DACH2: variants seen among roughly 807,000 people sequenced by gnomAD.
The protein encoded by DACH2 is dachshund family transcription factor 2.
In DACH2, 17 loss-of-function variants were observed where a neutral mutation model predicts 35.8. The ratio of observed to expected loss-of-function variants is 0.48; its 90% CI spans 0.33 to 0.71. The LOEUF (loss-of-function observed/expected upper bound fraction) is 0.71. Ranked by LOEUF, DACH2 falls within the 30% of genes least tolerant of loss-of-function variation. The pLI is 0.02. For synonymous variants in DACH2, 195 were observed against 177.3 expected (o/e 1.10, Z -0.79); for missense variants, 469 against 472.7 (o/e 0.99, Z 0.07).
intron 2 of DACH2, among the ~76,000 whole-genome samples, chrX:86,440,309 T>C (rs1394550997): frequency 9.0e-6 from 1 of 111,177 alleles, no homozygotes; most frequent in African/African-American, 3.3e-5. Context: ...TGGCATATAC[T>C]TTAAGGTTGT....
At chrX:86,647,180 A>G (rs964924486) in intron 3 of DACH2, among the ~76,000 whole-genome samples, 1 of 110,501 alleles carries the variant, frequency 9.0e-6, no homozygotes, top group African/African-American at 3.3e-5. Context: ...TTCTGAATAT[A>G]TATGAGGTAA....
At chrX:86,717,394 G>T (rs2041349681) in intron 6 of DACH2, among the ~76,000 whole-genome samples, 1 of 110,654 alleles carries the variant, frequency 9.0e-6, no homozygotes, top group Admixed American at 9.7e-5. Flanking sequence ...CCATATTGCT[G>T]CAAAAGACAG....
intron 6 of DACH2, among the ~76,000 whole-genome samples, chrX:86,737,928 G>A (rs773908151): frequency 2.7e-5 from 3 of 110,667 alleles, no homozygotes; most frequent in Non-Finnish European, 5.7e-5. Context: ...ACCCCCTCTA[G>A]AAGTGCCCAA....
chrX:86,272,067 T>G (rs1481993338), intron 1 of DACH2, among the ~76,000 whole-genome samples: 1 of 111,620 alleles, frequency 9.0e-6, no homozygotes, highest in Non-Finnish European at 1.9e-5. Context: ...CTCTCACTTA[T>G]GTGAGAACAT....
At chrX:86,713,913 C>T (rs773316515) in intron 5 of DACH2, among the ~76,000 whole-genome samples, 3 of 111,801 alleles carry the variant, frequency 2.7e-5, no homozygotes, top group Non-Finnish European at 5.7e-5. Flanking sequence ...AATGACCTAA[C>T]AATATTTGTT....
rs151082321 is a variant in DACH2, at chrX:86,417,521, C to T, written c.527+40659C>T. ...AGCAGGCAAGAGAGAGAACTTGTGC[C>T]GGGAAACTCCTGTTTCTGTTTTTAA... On this transcript the variant is annotated intron_variant, in intron 2 of 11. Transcript: ENST00000373125. 1.1e-3 allele frequency among the ~76,000 whole-genome samples: 123 copies of T among 111,084 alleles called. 2 individuals carry two copies. The East Asian group carries it at 0.034, about 31-fold the overall frequency.
chrX:86,159,680 T>C (rs989997004), intron 1 of DACH2, among the ~76,000 whole-genome samples: 2 of 112,053 alleles, frequency 1.8e-5, no homozygotes, highest in African/African-American at 3.2e-5. Flanking sequence ...GAAGTGGTGA[T>C]ACTAAGAACT....
At chrX:86,241,760 G>A (rs192172290) in intron 1 of DACH2, among the ~76,000 whole-genome samples, 42 of 112,433 alleles carry the variant, frequency 3.7e-4, no homozygotes, top group African/African-American at 1.3e-3. Flanking sequence ...GCCAGGTCCA[G>A]GGCTCAGCTA....
At chrX:86,605,187 G>C (rs2039841126) in intron 3 of DACH2, among the ~76,000 whole-genome samples, 1 of 111,181 alleles carries the variant, frequency 9.0e-6, no homozygotes, top group Non-Finnish European at 1.9e-5. Flanking sequence ...TCAAATTATT[G>C]GACTTTCATT....
chrX:86,800,042 G>A (rs2042276853), intron 7 of DACH2, among the ~76,000 whole-genome samples: 2 of 112,052 alleles, frequency 1.8e-5, no homozygotes, highest in South Asian at 7.4e-4. Context: ...ATAAGAAGAA[G>A]GCAGACTCAT....
At chrX:86,645,704 G>A (rs60036479) in intron 3 of DACH2, among the ~76,000 whole-genome samples, 13,906 of 110,720 alleles carry the variant, frequency 0.13, 750 homozygotes, top group East Asian at 0.33. Flanking sequence ...TATACCCTAC[G>A]GAATATTATG....
At chrX:86,434,497 TCA>T (rs1481714085) in intron 2 of DACH2, among the ~76,000 whole-genome samples, 1 of 112,156 alleles carries the variant, frequency 8.9e-6, no homozygotes, top group Non-Finnish European at 1.9e-5. Context: ...CATGGTATAT[TCA>T]CTTATTTTTT....
intron 4 of DACH2, among the ~76,000 whole-genome samples, chrX:86,663,173 G>A (rs1169564644): frequency 9.0e-6 from 1 of 111,504 alleles, no homozygotes; most frequent in Non-Finnish European, 1.9e-5. Context: ...TAGAAACAAT[G>A]TAGGCACTCA....
chrX:86,654,215 C>T (rs372791774), intron 4 of DACH2, among the ~76,000 whole-genome samples: 1,112 of 52,073 alleles, frequency 0.021, 20 homozygotes, highest in African/African-American at 0.065. Context: ...AAAAAAAAAA[C>T]GCAATTAAAG....
At chrX:86,728,683 C>T (rs1291767) in intron 6 of DACH2, among the ~76,000 whole-genome samples, 1,419 of 112,602 alleles carry the variant, frequency 0.013, 24 homozygotes, top group African/African-American at 0.042. Flanking sequence ...TGCATCTCAG[C>T]TGCTTTAGCT....
At chrX:86,552,716 A>G (rs1030821159) in intron 3 of DACH2, among the ~76,000 whole-genome samples, 7 of 111,414 alleles carry the variant, frequency 6.3e-5, no homozygotes, top group Non-Finnish European at 1.3e-4. Context: ...TACACATAGA[A>G]CCTAGAGCCA....
At chrX:86,556,081 A>G (rs2039114439) in intron 3 of DACH2, among the ~76,000 whole-genome samples, 1 of 111,774 alleles carries the variant, frequency 8.9e-6, no homozygotes, top group African/African-American at 3.2e-5. Context: ...GCATTTGCCA[A>G]TTTAATGACA....
At chrX:86,623,067 G>A (rs2040087633) in intron 3 of DACH2, among the ~76,000 whole-genome samples, 1 of 111,586 alleles carries the variant, frequency 9.0e-6, no homozygotes, top group African/African-American at 3.3e-5. Flanking sequence ...CTGCCCACCT[G>A]GGAAAGACCT....
At chrX:86,697,060 T>G (rs114077954) in intron 5 of DACH2, among the ~76,000 whole-genome samples, 6,097 of 111,140 alleles carry the variant, frequency 0.055, 407 homozygotes, top group African/African-American at 0.19. Context: ...ACAGTACAAT[T>G]CCAGCAGCCT....
Sources: gnomAD v4.1 joint callset for allele counts (sites outside exome capture counted in the v4.1 genomes callset) on GRCh38, gnomAD v4.1.1 for gene constraint, MANE v1.5 for transcripts, NCBI Gene and HGNC (gene_info 2026-07-23, HGNC 2026-07-21) for gene names.